Variants in SAE1 observed in about 807,000 individuals in gnomAD.
The protein encoded by SAE1 is SUMO1 activating enzyme subunit 1.
A neutral mutation model predicts 40.6 loss-of-function variants in SAE1; 11 were observed. The ratio of observed to expected loss-of-function variants is 0.27; its 90% CI spans 0.17 to 0.45. The LOEUF (loss-of-function observed/expected upper bound fraction) is 0.45, where lower values mean the gene tolerates loss of function less well. Among genes scored for constraint, SAE1 ranks in the 20% least tolerant of loss-of-function variants. The pLI is 1.00. For synonymous variants in SAE1, 155 were observed against 154.3 expected (o/e 1.00, Z -0.03); for missense variants, 373 against 427.3 (o/e 0.87, Z 1.12).
chr19:47,138,946 A>G (rs778451445), intron 1 of SAE1, among the ~76,000 whole-genome samples: 2 of 152,182 alleles, frequency 1.3e-5, no homozygotes, highest in Non-Finnish European at 2.9e-5. Flanking sequence ...GGAGGTGACA[A>G]TTGAGCTGAG....
At chr19:47,131,067 G>C in intron 1 of SAE1, 39 bp downstream of exon 1, 1 of 1,499,308 alleles carries the variant, frequency 6.7e-7, no homozygotes, top group African/African-American at 1.4e-5. Context: ...AGGGTCTGGA[G>C]GGGGCGTCTA....
intron 1 of SAE1, among the ~76,000 whole-genome samples, chr19:47,139,419 C>T (rs1162278500): frequency 6.6e-6 from 1 of 151,978 alleles, no homozygotes; most frequent in East Asian, 1.9e-4. Context: ...CTCATGGGCT[C>T]AAGTGATCCT....
At chr19:47,160,257 T>G (rs1237387580) in intron 5 of SAE1, among the ~76,000 whole-genome samples, 1 of 132,652 alleles carries the variant, frequency 7.5e-6, no homozygotes, top group Admixed American at 8.8e-5. Context: ...AGTCTCACTC[T>G]ATCACCCAAG....
Position 47,130,876 on chromosome 19 carries a change from C to A in SAE1, c.-55C>A. The A allele has an allele frequency of 6.5e-7, 1 of 1,544,642 alleles. No homozygotes were observed. The highest frequency in any genetic ancestry group is 1.2e-5 in the South Asian group (1 of 83,734). On this transcript the variant is annotated 5_prime_UTR_variant, in exon 1 of 9. Transcript: ENST00000270225. ...CGGCGGCGGTAGGTGGCGCGCGGGTCCGGCGGGCGGTTGGCTTGAGCGGGA... is the reference window on the plus strand; with the variant it reads ...CGGCGGCGGTAGGTGGCGCGCGGGTACGGCGGGCGGTTGGCTTGAGCGGGA...
At chr19:47,189,100 T>G (rs1016537227) in intron 6 of SAE1, among the ~76,000 whole-genome samples, 6 of 152,224 alleles carry the variant, frequency 3.9e-5, no homozygotes, top group African/African-American at 1.4e-4. Context: ...ATTTATTGAA[T>G]GAACAATTGA....
At chr19:47,136,150 T>C (rs1342744169) in intron 1 of SAE1, among the ~76,000 whole-genome samples, 1 of 152,108 alleles carries the variant, frequency 6.6e-6, no homozygotes. Context: ...GCAGTTTTTT[T>C]TCTTTTGAGA....
intron 6 of SAE1, among the ~76,000 whole-genome samples, chr19:47,185,561 C>G (rs891229190): frequency 6.6e-6 from 1 of 152,076 alleles, no homozygotes; most frequent in African/African-American, 2.4e-5. Context: ...CCACCTCTGT[C>G]TACCAAAGTG....
rs750739165 is a variant in SAE1 at position 47,150,369 on chromosome 19, C to T, written c.378C>T (p.Phe126=). ...AACCAGAGTCATTTTTCACTCAATT[C>T]GATGCTGTAAGTTTCTTATTATAAA... ...EKKPESFFTQ[F]DAVCLTCCSR... The change falls in exon 3 of 9, where the codon TTC becomes TTT. Residue 126 remains phenylalanine, a synonymous_variant. Transcript: ENST00000270225. The T allele has an allele frequency of 1.9e-5, 31 of 1,599,858 alleles. No homozygotes were observed. Among genetic ancestry groups the T allele is most frequent in the South Asian group, 3.4e-5 (3 of 88,692 alleles).
chr19:47,182,463 T>TTG (rs1568603017), intron 6 of SAE1, among the ~76,000 whole-genome samples: 18 of 97,846 alleles, frequency 1.8e-4, no homozygotes, highest in Admixed American at 4.4e-4. Flanking sequence ...GAAAAAAGCG[T>TTG]AGTGTGTGTG....
intron 5 of SAE1, among the ~76,000 whole-genome samples, chr19:47,158,823 G>C (rs2058339807): frequency 6.6e-6 from 1 of 152,162 alleles, no homozygotes; most frequent in Non-Finnish European, 1.5e-5. Context: ...TGGAAGAAGG[G>C]GCGAGAGCAT....
intron 5 of SAE1, among the ~76,000 whole-genome samples, chr19:47,161,879 C>T (rs950991775): frequency 1.3e-5 from 2 of 152,208 alleles, no homozygotes; most frequent in Non-Finnish European, 2.9e-5. Flanking sequence ...CATGGTGCCA[C>T]CTGCTTTTAA....
intron 1 of SAE1, among the ~76,000 whole-genome samples, chr19:47,131,913 C>G (rs2058146366): frequency 6.6e-6 from 1 of 151,754 alleles, no homozygotes; most frequent in African/African-American, 2.4e-5. Context: ...ATTGACGAGA[C>G]TGGTCTCGAT....
At chr19:47,192,838 C>T (rs1463853376) in intron 6 of SAE1, among the ~76,000 whole-genome samples, 1 of 152,142 alleles carries the variant, frequency 6.6e-6, no homozygotes, top group African/African-American at 2.4e-5. Flanking sequence ...CTGCACCTGG[C>T]CTCCTTTATT....
At chr19:47,136,191 G>C (rs1027265680) in intron 1 of SAE1, among the ~76,000 whole-genome samples, 3 of 151,238 alleles carry the variant, frequency 2.0e-5, no homozygotes, top group South Asian at 4.2e-4. Flanking sequence ...CAGGCTAGAG[G>C]ACAGTGGCAC....
In SAE1 at chr19:47,197,294, T is replaced by C; in HGVS notation, c.795T>C (p.Asp265=). ...CCAGTTCTGATACATATGAGGAAGA[T>C]TCTGAGTTGTTGCTCCAGATACGAA... ...RDPSSDTYEE[D]SELLLQIRND... Residue 265 remains aspartate (D), a synonymous_variant, in exon 7 of 9, where the codon GAT becomes GAC. Coordinates refer to ENST00000270225, the MANE Select transcript of SAE1 (RefSeq NM_005500.3). The C allele has an allele frequency of 1.9e-6, 3 of 1,614,080 alleles. No homozygotes were observed. The highest frequency in any genetic ancestry group is 2.5e-6 in the Non-Finnish European group (3 of 1,179,912).
intron 6 of SAE1, chr19:47,180,219 G>T (rs1275379977): frequency 2.2e-6 from 1 of 456,298 alleles, no homozygotes; most frequent in Admixed American, 2.3e-5. Flanking sequence ...CTCATGCCAA[G>T]ATGTTAATAC....
At chr19:47,199,921 G>T (rs1435221053) in intron 7 of SAE1, among the ~76,000 whole-genome samples, 1 of 151,116 alleles carries the variant, frequency 6.6e-6, no homozygotes, top group African/African-American at 2.4e-5. Flanking sequence ...TGCTGCCTAT[G>T]TTTAGATGAT....
At chr19:47,207,488 G>A (rs2058692291) in intron 8 of SAE1, among the ~76,000 whole-genome samples, 1 of 152,140 alleles carries the variant, frequency 6.6e-6, no homozygotes, top group South Asian at 2.1e-4. Flanking sequence ...ATGGTAGCTT[G>A]TGGTGAAATT....
chr19:47,134,668 G>A (rs959012310), intron 1 of SAE1, among the ~76,000 whole-genome samples: 10 of 152,112 alleles, frequency 6.6e-5, no homozygotes, highest in South Asian at 2.1e-4. Flanking sequence ...AGGGGTTTGC[G>A]GCAGCAGATA....
Sources: allele counts gnomAD v4.1 joint callset (sites outside exome capture counted in the v4.1 genomes callset), GRCh38; gene constraint gnomAD v4.1.1; transcripts MANE v1.5; gene names NCBI Gene and HGNC (gene_info 2026-07-23, HGNC 2026-07-21).